The following HYAL4 variants were observed in gnomAD, a reference collection of about 807,000 sequenced individuals.
The protein encoded by HYAL4 is hyaluronidase-4.
In HYAL4, 37 loss-of-function variants were observed where a neutral mutation model predicts 35.2. That is an observed-to-expected ratio of 1.05 (90% CI 0.81 to 1.38). The LOEUF is 1.38. HYAL4 is among the 40% of genes most tolerant of loss of function. HYAL4 has a pLI of 0.00. For missense variants in HYAL4, 572 were observed against 572.4 expected (o/e 1.00, Z 0.01); for synonymous variants, 198 against 203.2 (o/e 0.97, Z 0.22).
At chr7:123,769,288 G>A in the HYAL4 span, among the ~76,000 whole-genome samples, 1 of 152,172 alleles carries the variant, frequency 6.6e-6, no homozygotes, top group Non-Finnish European at 1.5e-5. Flanking sequence ...AGTTAATAAA[G>A]AAGGTTGGAT....
At chr7:123,770,120 G>T in the HYAL4 span, among the ~76,000 whole-genome samples, 1 of 152,014 alleles carries the variant, frequency 6.6e-6, no homozygotes. Flanking sequence ...ATCATGGACA[G>T]GAGAAAAGTT....
At chr7:123,776,647 G>C in the HYAL4 span, among the ~76,000 whole-genome samples, 1 of 152,104 alleles carries the variant, frequency 6.6e-6, no homozygotes, top group African/African-American at 2.4e-5. Context: ...CCGAACTCCT[G>C]GCCTCAAGCT....
chr7:123,851,273 T>C (rs561246449), intron 2 of HYAL4, among the ~76,000 whole-genome samples: 2 of 152,330 alleles, frequency 1.3e-5, no homozygotes, highest in East Asian at 3.9e-4. Context: ...CTTTAAGTTC[T>C]GGGATACATC....
chr7:123,777,135 G>A, the HYAL4 span, among the ~76,000 whole-genome samples: 4 of 152,106 alleles, frequency 2.6e-5, no homozygotes, highest in Non-Finnish European at 4.4e-5. Context: ...CCACCATTGT[G>A]TAATTTTTAT....
At chr7:123,777,820 A>G in the HYAL4 span, among the ~76,000 whole-genome samples, 1 of 152,084 alleles carries the variant, frequency 6.6e-6, no homozygotes, top group Non-Finnish European at 1.5e-5. Context: ...GAATAACAGA[A>G]TTATTTTAAT....
the HYAL4 span, among the ~76,000 whole-genome samples, chr7:123,783,834 A>T: frequency 6.6e-6 from 1 of 152,190 alleles, no homozygotes; most frequent in Admixed American, 6.6e-5. Context: ...TGGACAGCCA[A>T]CTCTTTAAAA....
At chr7:123,809,473 G>A in the HYAL4 span, among the ~76,000 whole-genome samples, 1 of 143,274 alleles carries the variant, frequency 7.0e-6, no homozygotes, top group Non-Finnish European at 1.5e-5. Context: ...TCGGCTCACT[G>A]CAACCTCCAC....
At chr7:123,794,571 G>A in the HYAL4 span, among the ~76,000 whole-genome samples, 1 of 152,216 alleles carries the variant, frequency 6.6e-6, no homozygotes, top group African/African-American at 2.4e-5. Flanking sequence ...TGTCTAAGAG[G>A]GGCCAATGTA....
chr7:123,798,244 G>A, the HYAL4 span, among the ~76,000 whole-genome samples: 1 of 152,182 alleles, frequency 6.6e-6, no homozygotes, highest in Non-Finnish European at 1.5e-5. Context: ...TAAGCCAGAA[G>A]TAAGGTCAAG....
chr7:123,832,484 T>C (rs1355856475), intron 1 of HYAL4, among the ~76,000 whole-genome samples: 25 of 23,130 alleles, frequency 1.1e-3, no homozygotes, highest in Non-Finnish European at 1.7e-3. Flanking sequence ...TCATACTTTT[T>C]TTTTTTTTTT....
At chr7:123,803,422 A>G in the HYAL4 span, among the ~76,000 whole-genome samples, 1 of 152,156 alleles carries the variant, frequency 6.6e-6, no homozygotes, top group Non-Finnish European at 1.5e-5. Flanking sequence ...GATATCTTTA[A>G]TCAGCATCTA....
chr7:123,783,328 G>A, the HYAL4 span, among the ~76,000 whole-genome samples: 3 of 152,050 alleles, frequency 2.0e-5, no homozygotes, highest in Non-Finnish European at 1.5e-5. Flanking sequence ...TTATTGATTG[G>A]TTGTTTTCAT....
At chr7:123,763,862 T>C in the HYAL4 span, among the ~76,000 whole-genome samples, 3 of 152,372 alleles carry the variant, frequency 2.0e-5, no homozygotes, top group East Asian at 5.8e-4. Context: ...CTTTACACTC[T>C]GTCAGTACTT....
At chr7:123,869,979 C>T (rs1029905197) in intron 3 of HYAL4, among the ~76,000 whole-genome samples, 4 of 152,098 alleles carry the variant, frequency 2.6e-5, no homozygotes, top group Admixed American at 1.3e-4. Context: ...CATGAGCCAC[C>T]GTGCCCAGCC....
the HYAL4 span, among the ~76,000 whole-genome samples, chr7:123,800,642 A>AT: frequency 7.3e-5 from 11 of 150,254 alleles, no homozygotes; most frequent in East Asian, 2.0e-3. Context: ...TCTCAATGTA[A>AT]TTTTTTTCTC....
the HYAL4 span, among the ~76,000 whole-genome samples, chr7:123,784,446 G>A: frequency 9.2e-5 from 14 of 152,306 alleles, 1 homozygote; most frequent in Admixed American, 5.9e-4. Flanking sequence ...GAAAACAGAA[G>A]TTTAGAGGCT....
the HYAL4 span, chr7:123,814,982 T>G: frequency 1.3e-5 from 2 of 149,798 alleles, no homozygotes. Context: ...TTGCCAGTTT[T>G]TATTTTTTCC....
chr7:123,815,574 A>G, the HYAL4 span, among the ~76,000 whole-genome samples: 1 of 152,182 alleles, frequency 6.6e-6, no homozygotes. Context: ...ACTGGTTTAT[A>G]TAAGGAGACA....
At chr7:123,770,883 AAG>A in the HYAL4 span, among the ~76,000 whole-genome samples, 1 of 152,190 alleles carries the variant, frequency 6.6e-6, no homozygotes. Flanking sequence ...GAAAGGCAAA[AAG>A]AAGATATGAA....
Sources: allele counts gnomAD v4.1 joint callset (sites outside exome capture counted in the v4.1 genomes callset), GRCh38; gene constraint gnomAD v4.1.1; transcripts MANE v1.5; gene names NCBI Gene and HGNC (gene_info 2026-07-23, HGNC 2026-07-21).